The following GYPC variants were observed in gnomAD, a reference collection of about 807,000 sequenced individuals.
GYPC encodes the protein glycophorin C (Gerbich blood group).
A neutral mutation model predicts 12.6 loss-of-function variants in GYPC; 14 were observed. The ratio of observed to expected loss-of-function variants is 1.11; its 90% confidence interval spans 0.74 to 1.74. The LOEUF is 1.74. GYPC is among the 40% of genes most tolerant of loss of function. GYPC has a pLI of 0.00. For synonymous variants in GYPC, 78 were observed against 62.1 expected, an observed-to-expected ratio of 1.26 and a Z score of -1.20; for missense variants, 225 against 172.1, an observed-to-expected ratio of 1.31 and a Z score of -1.72.
intron 1 of GYPC, 31 bp downstream of exon 1, chr2:126,656,343 G>T (rs766509087): frequency 3.2e-6 from 5 of 1,562,028 alleles, no homozygotes; most frequent in Non-Finnish European, 4.3e-6. Context: ...AGGGTCCTGG[G>T]GACCCACTGG....
At chr2:126,679,284 C>G (rs767666325) in intron 1 of GYPC, among the ~76,000 whole-genome samples, 2 of 152,104 alleles carry the variant, frequency 1.3e-5, no homozygotes, top group Non-Finnish European at 2.9e-5. Flanking sequence ...AGGATGCCAG[C>G]TTCACCTCTG....
rs190230967 is a variant in GYPC, at chr2:126,687,719, C to A, written c.50-2536C>A. Among the ~76,000 whole-genome samples the A allele has an allele frequency of 3.7e-3, 560 of 152,332 alleles. 3 individuals carry two copies. The highest frequency in any genetic ancestry group is 0.013 in the African/African-American group (536 of 41,558). ...TTGGAGGGAGCCCACATTGGGAGGC[C>A]CAGCTGGCAATCCCAATGGTCTCCC... is the stretch of plus-strand genomic sequence containing the variant. On this transcript the variant is annotated intron_variant, in intron 1 of 3. Coordinates refer to ENST00000259254, the MANE Select transcript of GYPC (RefSeq NM_002101.5).
intron 1 of GYPC, among the ~76,000 whole-genome samples, chr2:126,670,469 G>A (rs998070767): frequency 6.6e-6 from 1 of 152,186 alleles, no homozygotes; most frequent in Non-Finnish European, 1.5e-5. Context: ...CACCCCCTTT[G>A]GCCTCTGCTT....
At chr2:126,693,997 G>A (rs761283477) in intron 3 of GYPC, 50 bp downstream of exon 3, 4 of 1,241,770 alleles carry the variant, frequency 3.2e-6, no homozygotes, top group East Asian at 2.3e-5. Context: ...GGGGGCCTTG[G>A]TGAAAACATC....
chr2:126,670,777 CA>C (rs1422345577), intron 1 of GYPC, among the ~76,000 whole-genome samples: 4 of 152,166 alleles, frequency 2.6e-5, no homozygotes, highest in African/African-American at 4.8e-5. Flanking sequence ...AGGAGGGCTG[CA>C]AACTGAGACC....
intron 1 of GYPC, chr2:126,686,077 G>C (rs913902705): frequency 1.0e-4 from 103 of 985,092 alleles, no homozygotes; most frequent in Non-Finnish European, 1.2e-4. Flanking sequence ...ATAGGAGATG[G>C]GCCGGGAAAT....
rs984501217 is a variant in GYPC at position 126,686,020 on chromosome 2, C to T, written c.50-4235C>T. The T allele has an allele frequency of 6.1e-6, 6 of 985,160 alleles. No individual in the cohort carries two copies. In the South Asian group the frequency reaches 1.9e-4, roughly 31 times the overall value. 61.0% of individuals were successfully genotyped at this position (985,160 alleles called of 1,614,324 possible). A position where few individuals can be genotyped will look rare whatever the true frequency, so the allele number is the denominator to read the frequency against. ...CTGGGACAGATGGACAGGAGGAAGA[C>T]AGGAAGTGGGGAACCCCTTCAACAA... On this transcript the variant is annotated intron_variant, in intron 1 of 3. Coordinates refer to ENST00000259254, the MANE Select transcript of GYPC (RefSeq NM_002101.5).
At chr2:126,665,241 T>C (rs1389897998) in intron 1 of GYPC, among the ~76,000 whole-genome samples, 1 of 150,178 alleles carries the variant, frequency 6.7e-6, no homozygotes, top group Non-Finnish European at 1.5e-5. Flanking sequence ...TAAGGTACAG[T>C]ACAGTAAGAT....
chr2:126,684,834 C>T (rs575209961), intron 1 of GYPC, among the ~76,000 whole-genome samples: 61 of 152,292 alleles, frequency 4.0e-4, no homozygotes, highest in Non-Finnish European at 6.5e-4. Context: ...CCTAGCACCT[C>T]GTCAATGCTC....
chr2:126,685,786 T>A, intron 1 of GYPC: 2 of 985,308 alleles, frequency 2.0e-6, no homozygotes, highest in Non-Finnish European at 2.4e-6. Context: ...AACGTTGCTG[T>A]TGCTGCTGCA....
chr2:126,672,421 A>C (rs1223457286), intron 1 of GYPC, among the ~76,000 whole-genome samples: 1 of 152,138 alleles, frequency 6.6e-6, no homozygotes, highest in East Asian at 1.9e-4. Flanking sequence ...ACAAACACAC[A>C]CATACACGCA....
At chr2:126,666,037 A>G (rs943024135) in intron 1 of GYPC, among the ~76,000 whole-genome samples, 4 of 152,078 alleles carry the variant, frequency 2.6e-5, no homozygotes, top group Admixed American at 2.6e-4. Flanking sequence ...GCCTCTGAAG[A>G]AAAGGCCTTT....
intron 1 of GYPC, among the ~76,000 whole-genome samples, chr2:126,674,220 C>T (rs1250693900): frequency 2.0e-5 from 3 of 152,196 alleles, no homozygotes; most frequent in Admixed American, 1.3e-4. Context: ...CAGAACTGAG[C>T]CTCTTATCAG....
Position 126,665,308 on chromosome 2 carries a change from T to A in GYPC, c.49+8996T>A, listed in dbSNP as rs185424216. ...ACTTTTATAGAGTACGTTGTTACAA[T>A]TGTTTTACTTCATTATTCATTGTTG... On this transcript the variant is annotated intron_variant, in intron 1 of 3. Transcript: ENST00000259254. Among the ~76,000 whole-genome samples the A allele has an allele frequency of 5.3e-5, 8 of 152,322 alleles. No homozygotes were observed. In the East Asian group the frequency reaches 9.6e-4, roughly 18 times the overall value.
At chr2:126,665,341 C>T (rs1312728596) in intron 1 of GYPC, among the ~76,000 whole-genome samples, 3 of 152,178 alleles carry the variant, frequency 2.0e-5, no homozygotes, top group African/African-American at 7.2e-5. Context: ...TTGTTAATAT[C>T]TTACTGTGTC....
chr2:126,669,445 G>C (rs1224541821), intron 1 of GYPC, among the ~76,000 whole-genome samples: 1 of 152,042 alleles, frequency 6.6e-6, no homozygotes, highest in Non-Finnish European at 1.5e-5. Flanking sequence ...TCCCTCATAT[G>C]TGCGGAAACT....
At chr2:126,683,936 C>G (rs570616741) in intron 1 of GYPC, among the ~76,000 whole-genome samples, 3 of 152,164 alleles carry the variant, frequency 2.0e-5, no homozygotes, top group Admixed American at 6.5e-5. Context: ...TCTCCTCCCC[C>G]CTCACCTTTG....
At chr2:126,689,691 G>A (rs867327328) in intron 1 of GYPC, among the ~76,000 whole-genome samples, 5 of 152,034 alleles carry the variant, frequency 3.3e-5, no homozygotes, top group East Asian at 1.9e-4. Context: ...GTCTCTTTGC[G>A]AATGTCAGAT....
chr2:126,669,793 T>C (rs1041624202), intron 1 of GYPC, among the ~76,000 whole-genome samples: 1 of 151,160 alleles, frequency 6.6e-6, no homozygotes, highest in African/African-American at 2.4e-5. Context: ...TCATGGGCAC[T>C]TCTGAGCCTT....
Sources: allele counts gnomAD v4.1 joint callset (sites outside exome capture counted in the v4.1 genomes callset), GRCh38; gene constraint gnomAD v4.1.1; transcripts MANE v1.5; gene names NCBI Gene and HGNC (gene_info 2026-07-23, HGNC 2026-07-21).